Variants in BCKDHB observed in about 807,000 individuals in gnomAD.
BCKDHB encodes the protein 2-oxoisovalerate dehydrogenase subunit beta, mitochondrial.
BCKDHB carries 41 observed loss-of-function variants against 48.5 expected under a neutral mutation model. The ratio of observed to expected loss-of-function variants is 0.85; its 90% confidence interval spans 0.66 to 1.10. The LOEUF (loss-of-function observed/expected upper bound fraction) is 1.10, where lower values mean the gene tolerates loss of function less well. BCKDHB is among the 50% of genes least tolerant of loss of function. The pLI, the probability that BCKDHB is intolerant of heterozygous loss-of-function variation, is 0.00. For synonymous variants in BCKDHB, 201 were observed against 174.8 expected, an observed-to-expected ratio of 1.15 and a Z score of -1.18; for missense variants, 496 against 494.2, an observed-to-expected ratio of 1.00 and a Z score of -0.03.
At chr6:80,329,132 C>T (rs1769194943) in intron 9 of BCKDHB, among the ~76,000 whole-genome samples, 2 of 151,912 alleles carry the variant, frequency 1.3e-5, no homozygotes, top group Admixed American at 6.6e-5. Flanking sequence ...GAATAGTAGC[C>T]AAGAAAGGAT....
chr6:80,408,943 C>T, the BCKDHB span, among the ~76,000 whole-genome samples: 313 of 151,954 alleles, frequency 2.1e-3, no homozygotes, highest in African/African-American at 7.2e-3. Context: ...CTTGCTTCTC[C>T]AGTTCTATTT....
In BCKDHB at chr6:80,343,858, C is replaced by G; in HGVS notation, c.*54C>G. 1 of 1,594,992 alleles carries G rather than the reference C, an allele frequency of 6.3e-7. No homozygotes were observed. The highest frequency in any genetic ancestry group is 8.6e-7 in the Non-Finnish European group (1 of 1,163,002). On this transcript the variant is annotated 3_prime_UTR_variant, in exon 10 of 10. Transcript: ENST00000320393. Reference sequence around the variant, plus strand: ...AGCTACTATGTGCCCCTGACATTAACGTACTGTTAACCAAGACACAGCAAT... The same window carrying G: ...AGCTACTATGTGCCCCTGACATTAAGGTACTGTTAACCAAGACACAGCAAT...
chr6:80,373,979 T>C, the BCKDHB span: 1 of 575,514 alleles, frequency 1.7e-6, no homozygotes, highest in South Asian at 1.5e-5. Context: ...GTGTCTTTTC[T>C]TTTTCCTTTT....
the BCKDHB span, among the ~76,000 whole-genome samples, chr6:80,366,429 GC>G: frequency 1.3e-5 from 2 of 152,098 alleles, no homozygotes; most frequent in Admixed American, 1.3e-4. Context: ...GACATAGTCA[GC>G]AACATTTCTC....
intron 1 of BCKDHB, among the ~76,000 whole-genome samples, chr6:80,126,547 C>T (rs150825040): frequency 2.5e-4 from 38 of 152,130 alleles, no homozygotes; most frequent in East Asian, 7.7e-4. Context: ...CAACAGGTAT[C>T]GAAATGATTT....
rs777104076 is a variant in BCKDHB, at chr6:80,340,442, C to T, written c.1039-3222C>T. On this transcript the variant is annotated intron_variant, in intron 9 of 9. Transcript: ENST00000320393. Reference sequence around the variant, plus strand: ...ATGTTATTGTTCCACGTGAACTGAGCCAGCTTACATACACAGCTCTGTGGG... The same window carrying T: ...ATGTTATTGTTCCACGTGAACTGAGTCAGCTTACATACACAGCTCTGTGGG... Among the ~76,000 whole-genome samples the T allele has an allele frequency of 7.2e-5, 11 of 152,148 alleles. 1 individual carries two copies. Among genetic ancestry groups the T allele is most frequent in the Admixed American group, 3.3e-4 (5 of 15,274 alleles).
intron 8 of BCKDHB, among the ~76,000 whole-genome samples, chr6:80,243,142 G>C (rs989634841): frequency 6.6e-6 from 1 of 152,166 alleles, no homozygotes; most frequent in African/African-American, 2.4e-5. Context: ...ACAAGGTACA[G>C]AGAGACAAAG....
intron 9 of BCKDHB, among the ~76,000 whole-genome samples, chr6:80,284,106 A>G (rs1766511551): frequency 6.6e-6 from 1 of 152,012 alleles, no homozygotes; most frequent in South Asian, 2.1e-4. Flanking sequence ...TGGTTTGGTA[A>G]TTTAGGGTAA....
chr6:80,273,587 T>G (rs1212787305), intron 9 of BCKDHB, among the ~76,000 whole-genome samples: 1 of 152,120 alleles, frequency 6.6e-6, no homozygotes, highest in African/African-American at 2.4e-5. Context: ...TTATATGACT[T>G]GAGGTTATGG....
At chr6:80,333,597 A>G (rs1284034118) in intron 9 of BCKDHB, among the ~76,000 whole-genome samples, 1 of 152,076 alleles carries the variant, frequency 6.6e-6, no homozygotes, top group Non-Finnish European at 1.5e-5. Context: ...TATATAAGTC[A>G]TTATCTTTGG....
chr6:80,207,031 A>C (rs1189607493), intron 8 of BCKDHB, among the ~76,000 whole-genome samples: 1 of 152,088 alleles, frequency 6.6e-6, no homozygotes, highest in East Asian at 1.9e-4. Context: ...TAGTTTAGGC[A>C]AACAGATATT....
At chr6:80,146,118 G>A (rs539825231) in intron 3 of BCKDHB, among the ~76,000 whole-genome samples, 96 of 152,220 alleles carry the variant, frequency 6.3e-4, no homozygotes, top group African/African-American at 2.3e-3. Context: ...AGGAGTTACT[G>A]GTATGGAATG....
the BCKDHB span, among the ~76,000 whole-genome samples, chr6:80,410,290 C>T: frequency 2.0e-5 from 3 of 152,172 alleles, no homozygotes; most frequent in Admixed American, 2.0e-4. Context: ...ATTCTTCTTG[C>T]TTATCGGGTT....
chr6:80,311,150 T>TA (rs1461324164), intron 9 of BCKDHB, among the ~76,000 whole-genome samples: 1 of 151,742 alleles, frequency 6.6e-6, no homozygotes, highest in Admixed American at 6.6e-5. Context: ...CTGATGGTTT[T>TA]AAAAAGGGGA....
chr6:80,175,944 G>A (rs1034876961), intron 6 of BCKDHB, among the ~76,000 whole-genome samples: 1 of 152,114 alleles, frequency 6.6e-6, no homozygotes, highest in African/African-American at 2.4e-5. Context: ...TAAAGTAGGG[G>A]GGAACAAGAA....
chr6:80,466,098 T>A, the BCKDHB span, among the ~76,000 whole-genome samples: 17 of 152,340 alleles, frequency 1.1e-4, 2 homozygotes, highest in Admixed American at 1.0e-3. Context: ...GGACCTTCAG[T>A]CCAGTGCTGA....
intron 3 of BCKDHB, among the ~76,000 whole-genome samples, chr6:80,136,164 T>G (rs1770872905): frequency 6.6e-6 from 1 of 152,210 alleles, no homozygotes; most frequent in Non-Finnish European, 1.5e-5. Flanking sequence ...CACTGCTTTT[T>G]TAATTCAGAA....
chr6:80,341,990 C>G (rs1210370968), intron 9 of BCKDHB, among the ~76,000 whole-genome samples: 1 of 152,094 alleles, frequency 6.6e-6, no homozygotes, highest in Non-Finnish European at 1.5e-5. Context: ...TAAAGTTGTT[C>G]GTGGAGATTT....
chr6:80,300,674 A>C (rs1438147381), intron 9 of BCKDHB, among the ~76,000 whole-genome samples: 1 of 152,230 alleles, frequency 6.6e-6, no homozygotes, highest in Non-Finnish European at 1.5e-5. Flanking sequence ...CATCTACAGA[A>C]CACTCCATCC....
Sources: gnomAD v4.1 joint callset for allele counts (sites outside exome capture counted in the v4.1 genomes callset) on GRCh38, gnomAD v4.1.1 for gene constraint, MANE v1.5 for transcripts, NCBI Gene and HGNC (gene_info 2026-07-23, HGNC 2026-07-21) for gene names.